Variants in RSRC1 observed in about 807,000 individuals in gnomAD.
RSRC1 encodes arginine and serine rich coiled-coil 1.
RSRC1 carries 39 observed loss-of-function variants against 49.1 expected under a neutral mutation model. The observed-to-expected ratio is 0.79, with a 90% CI of 0.61 to 1.04. The LOEUF is 1.04. RSRC1 is among the 50% of genes least tolerant of loss of function. The pLI is 0.00. For synonymous variants in RSRC1, 143 were observed against 130.8 expected (o/e 1.09, Z -0.63); for missense variants, 388 against 402.4 (o/e 0.96, Z 0.31).
At chr3:158,428,925 A>G (rs1175470974) in intron 6 of RSRC1, among the ~76,000 whole-genome samples, 2 of 151,870 alleles carry the variant, frequency 1.3e-5, no homozygotes, top group Non-Finnish European at 2.9e-5. Flanking sequence ...CCAAACATCT[A>G]GCCACTAGCT....
chr3:158,204,504 C>G (rs1375261082), intron 4 of RSRC1, among the ~76,000 whole-genome samples: 2 of 152,082 alleles, frequency 1.3e-5, no homozygotes, highest in Non-Finnish European at 1.5e-5. Context: ...AGATACCTGT[C>G]TGTAAAGGTG....
chr3:158,433,681 T>C (rs1244105005), intron 6 of RSRC1, among the ~76,000 whole-genome samples: 3 of 151,960 alleles, frequency 2.0e-5, no homozygotes, highest in Admixed American at 6.6e-5. Context: ...CCAGATTGAA[T>C]AATAATGGTT....
intron 3 of RSRC1, among the ~76,000 whole-genome samples, chr3:158,138,440 C>T (rs971527836): frequency 6.6e-5 from 10 of 152,136 alleles, no homozygotes; most frequent in East Asian, 1.9e-4. Context: ...TGCAGCGTGA[C>T]GGAAAGATTG....
At chr3:158,215,589 T>A (rs1721905766) in intron 4 of RSRC1, among the ~76,000 whole-genome samples, 1 of 151,842 alleles carries the variant, frequency 6.6e-6, no homozygotes, top group African/African-American at 2.4e-5. Context: ...TTTTTATGGG[T>A]TGTTTGGACA....
At chr3:158,530,442 C>T (rs538536804) in intron 7 of RSRC1, among the ~76,000 whole-genome samples, 15 of 152,014 alleles carry the variant, frequency 9.9e-5, no homozygotes, top group African/African-American at 3.6e-4. Context: ...AGCCCTCTAG[C>T]CTGCTCTATT....
At chr3:158,191,969 A>C (rs867946812) in intron 3 of RSRC1, among the ~76,000 whole-genome samples, 20 of 152,082 alleles carry the variant, frequency 1.3e-4, no homozygotes, top group African/African-American at 4.6e-4. Context: ...AGAAGTTAGC[A>C]GCTTAGTTTA....
intron 7 of RSRC1, among the ~76,000 whole-genome samples, chr3:158,501,265 A>G (rs1739576309): frequency 6.6e-6 from 1 of 152,134 alleles, no homozygotes; most frequent in Non-Finnish European, 1.5e-5. Context: ...ATCAAGCCTC[A>G]TTTTATGGCC....
chr3:158,365,322 C>T (rs1172191349), intron 6 of RSRC1, among the ~76,000 whole-genome samples: 5 of 151,998 alleles, frequency 3.3e-5, no homozygotes, highest in African/African-American at 9.7e-5. Context: ...CGACAGGCCC[C>T]GGTGTGTCAT....
chr3:158,177,245 G>A (rs946168381), intron 3 of RSRC1, among the ~76,000 whole-genome samples: 4 of 152,142 alleles, frequency 2.6e-5, no homozygotes, highest in Non-Finnish European at 5.9e-5. Context: ...GATTCATCGA[G>A]GATCTAGAAC....
intron 7 of RSRC1, among the ~76,000 whole-genome samples, chr3:158,506,396 C>T (rs1056219851): frequency 9.3e-5 from 14 of 151,346 alleles, no homozygotes; most frequent in African/African-American, 2.9e-4. Flanking sequence ...GTCAATGTAG[C>T]GAAAAAATAA....
chr3:158,245,280 C>G (rs1051700780), intron 4 of RSRC1, among the ~76,000 whole-genome samples: 1 of 152,002 alleles, frequency 6.6e-6, no homozygotes, highest in African/African-American at 2.4e-5. Context: ...TCGTTATGTA[C>G]TCAAGAGTCA....
At chr3:158,151,078 T>C (rs1717507004) in intron 3 of RSRC1, among the ~76,000 whole-genome samples, 1 of 152,220 alleles carries the variant, frequency 6.6e-6, no homozygotes, top group Non-Finnish European at 1.5e-5. Flanking sequence ...AAAATATCTT[T>C]TTCTCACGCA....
chr3:158,365,836 C>T (rs959934336), intron 6 of RSRC1, among the ~76,000 whole-genome samples: 3 of 152,120 alleles, frequency 2.0e-5, no homozygotes, highest in African/African-American at 7.2e-5. Context: ...TAATGATGGC[C>T]ATTCTAACTG....
chr3:158,334,203 A>C (rs1199034135), intron 5 of RSRC1, among the ~76,000 whole-genome samples: 4 of 152,168 alleles, frequency 2.6e-5, no homozygotes, highest in African/African-American at 9.6e-5. Context: ...ATGCCACCAC[A>C]TACCTTTTCA....
At chr3:158,281,949 G>T (rs552148653) in intron 4 of RSRC1, among the ~76,000 whole-genome samples, 1 of 152,300 alleles carries the variant, frequency 6.6e-6, no homozygotes, top group South Asian at 2.1e-4. Flanking sequence ...TGACCAATCA[G>T]ACATACCCAT....
chr3:158,322,368 A>G (rs562833852), intron 5 of RSRC1, among the ~76,000 whole-genome samples: 1 of 152,284 alleles, frequency 6.6e-6, no homozygotes, highest in Non-Finnish European at 1.5e-5. Flanking sequence ...AAGGGCTGGG[A>G]TTACAGGTGT....
chr3:158,510,540 G>A (rs953293164), intron 7 of RSRC1, among the ~76,000 whole-genome samples: 3 of 151,922 alleles, frequency 2.0e-5, no homozygotes, highest in African/African-American at 7.2e-5. Flanking sequence ...TATAGTAGGT[G>A]TATAAATTTA....
intron 7 of RSRC1, among the ~76,000 whole-genome samples, chr3:158,509,202 T>C (rs1043368057): frequency 1.3e-5 from 2 of 152,218 alleles, no homozygotes; most frequent in Admixed American, 1.3e-4. Context: ...AACCCTATTA[T>C]TTTTGCATGT....
intron 7 of RSRC1, among the ~76,000 whole-genome samples, chr3:158,521,219 G>A (rs1711654760): frequency 6.6e-6 from 1 of 152,048 alleles, no homozygotes; most frequent in Non-Finnish European, 1.5e-5. Context: ...ATGTTGTTAT[G>A]GTTAGAGATT....
Sources: gnomAD v4.1 joint callset for allele counts (sites outside exome capture counted in the v4.1 genomes callset) on GRCh38, gnomAD v4.1.1 for gene constraint, MANE v1.5 for transcripts, NCBI Gene and HGNC (gene_info 2026-07-23, HGNC 2026-07-21) for gene names.